Variants in ZNF799 observed in about 807,000 individuals in gnomAD.
ZNF799 encodes zinc finger protein 799.
ZNF799 carries 28 observed loss-of-function variants against 41.0 expected under a neutral mutation model. The observed-to-expected ratio is 0.68, with a 90% CI of 0.51 to 0.94. The LOEUF (loss-of-function observed/expected upper bound fraction) is 0.94. Among genes scored for constraint, ZNF799 ranks in the 40% least tolerant of loss-of-function variants. ZNF799 has a pLI of 0.00. For missense variants in ZNF799, 716 were observed against 764.3 expected (o/e 0.94, Z 0.74); for synonymous variants, 213 against 252.9 (o/e 0.84, Z 1.50).
At position 12,392,547 on chromosome 19, in the gene ZNF799, A is replaced by T. The variant is rs114079253; in HGVS notation, c.191+56T>A. ...TTTCTTTGCTTGTTTTTAAATTTTC[A>T]TATCATTCTCAGAACGGCTCCAGGG... On this transcript the variant is annotated intron_variant, in intron 3 of 3. Coordinates refer to ENST00000430385, the MANE Select transcript of ZNF799 (RefSeq NM_001080821.3). The T allele has an allele frequency of 2.0e-3, 2,867 of 1,452,546 alleles. 8 individuals carry two copies. The highest frequency in any genetic ancestry group is 5.9e-3 in the African/African-American group (412 of 70,290). The allele number at this position is 1,452,546 out of a possible 1,614,324, so 90.0% of individuals were successfully genotyped here.
rs752045923 is a variant in ZNF799, at chr19:12,390,483, G to A, written c.1915C>T (p.His639Tyr). ...AFASLSSLHR[H>Y]KKTH ...AGAGAATGCTAGTGAGTCTTTTTAT[G>A]TCTATGCAAGGAACTGAGAGAAGCA... The change falls in exon 4 of 4, where the codon CAT becomes TAT. Residue 639 changes from histidine (H) to tyrosine (Y), a missense_variant. Physicochemically the swap from His to Tyr is moderately conservative, Grantham distance 83. Coordinates refer to ENST00000430385, the MANE Select transcript of ZNF799 (RefSeq NM_001080821.3). The A allele has an allele frequency of 9.9e-6, 16 of 1,613,836 alleles. No individual in the cohort carries two copies. Among genetic ancestry groups the A allele is most frequent in the Non-Finnish European group, 1.4e-5 (16 of 1,179,836 alleles).
At chr19:12,396,606 G>C (rs954645169) in intron 1 of ZNF799, among the ~76,000 whole-genome samples, 2 of 152,176 alleles carry the variant, frequency 1.3e-5, no homozygotes, top group Non-Finnish European at 2.9e-5. Context: ...CTGAGATCAT[G>C]CCACTGCACT....
At chr19:12,401,280 C>T (rs1212510932), upstream of ZNF799, 2 of 1,358,044 alleles carry the variant, frequency 1.5e-6, no homozygotes, top group Non-Finnish European at 1.9e-6. Flanking sequence ...ACAGTTCCCA[C>T]GAACCCGCCC....
chr19:12,391,337 C>CT lies in ZNF799; in HGVS notation c.1060dup (p.Ser354LysfsTer3). On this transcript the variant is annotated frameshift_variant, in exon 4 of 4. Transcript: ENST00000430385. LOFTEE classifies it high-confidence loss of function. ...CTCTCCAGTGTGAGTTCTTTCATGACTTTTCAGTGAACTAGGACAATCAAA... is the reference window on the plus strand; with the variant it reads ...CTCTCCAGTGTGAGTTCTTTCATGACTTTTTCAGTGAACTAGGACAATCAAA... 1 of 1,614,096 alleles carries CT rather than the reference C, an allele frequency of 6.2e-7. No individual in the cohort carries two copies. Among genetic ancestry groups the CT allele is most frequent in the Middle Eastern group, 1.7e-4 (1 of 6,058 alleles).
the ZNF799 span, among the ~76,000 whole-genome samples, chr19:12,414,315 G>A: frequency 6.6e-6 from 1 of 152,152 alleles, no homozygotes; most frequent in Admixed American, 6.5e-5. Flanking sequence ...CTTGCCTAGT[G>A]GTTCCTAGTG....
intron 1 of ZNF799, among the ~76,000 whole-genome samples, chr19:12,399,639 C>A (rs1482582720): frequency 6.9e-6 from 1 of 144,152 alleles, no homozygotes; most frequent in African/African-American, 2.8e-5. Context: ...CAGCTGTGGA[C>A]ACCCTTTTTT....
At chr19:12,402,941 G>T (rs1326359727), upstream of ZNF799, among the ~76,000 whole-genome samples, 2 of 152,158 alleles carry the variant, frequency 1.3e-5, no homozygotes, top group Non-Finnish European at 2.9e-5. Context: ...AAGTAATATT[G>T]GCTTTGTAAA....
At chr19:12,406,168 CAA>C (rs940819306), upstream of ZNF799, among the ~76,000 whole-genome samples, 19 of 58,984 alleles carry the variant, frequency 3.2e-4, no homozygotes, top group Middle Eastern at 0.012. Context: ...GACTCTGTCT[CAA>C]AAAAAAAAAA....
intron 1 of ZNF799, chr19:12,398,293 C>G (rs1267212567): frequency 6.6e-6 from 1 of 150,572 alleles, no homozygotes; most frequent in Non-Finnish European, 1.5e-5. Flanking sequence ...TTGGTCTTAG[C>G]TGGAGGTGGG....
intron 2 of ZNF799, among the ~76,000 whole-genome samples, chr19:12,393,004 T>G: frequency 6.6e-6 from 1 of 151,824 alleles, no homozygotes; most frequent in African/African-American, 2.4e-5. Flanking sequence ...ACACTTTCTG[T>G]TTCTAGCTTA....
chr19:12,397,342 A>T (rs1969910055), intron 1 of ZNF799, among the ~76,000 whole-genome samples: 2 of 151,936 alleles, frequency 1.3e-5, no homozygotes, highest in Admixed American at 1.3e-4. Context: ...ACTGCTTAAG[A>T]TCAAGACTTT....
At chr19:12,396,360 T>G (rs1246619286) in intron 1 of ZNF799, among the ~76,000 whole-genome samples, 4 of 152,204 alleles carry the variant, frequency 2.6e-5, no homozygotes, top group Non-Finnish European at 5.9e-5. Context: ...TATTAAAAAG[T>G]AGAAATTAAC....
chr19:12,397,594 GAAAC>G (rs1409574158), intron 1 of ZNF799, among the ~76,000 whole-genome samples: 6 of 140,226 alleles, frequency 4.3e-5, no homozygotes, highest in Non-Finnish European at 9.3e-5. Flanking sequence ...AAGAAAGAAA[GAAAC>G]AAAGAAACAA....
chr19:12,399,321 A>G (rs1030309150), intron 1 of ZNF799, among the ~76,000 whole-genome samples: 1 of 152,100 alleles, frequency 6.6e-6, no homozygotes. Flanking sequence ...CAGTCCTTAG[A>G]TATAACTTTC....
the ZNF799 span, among the ~76,000 whole-genome samples, chr19:12,412,510 G>T: frequency 1.3e-5 from 2 of 150,296 alleles, no homozygotes; most frequent in Non-Finnish European, 1.5e-5. Flanking sequence ...CTTGGCTGCG[G>T]CTGTCTTGGT....
chr19:12,408,049 G>C, the ZNF799 span, among the ~76,000 whole-genome samples: 1 of 152,016 alleles, frequency 6.6e-6, no homozygotes, highest in Non-Finnish European at 1.5e-5. Flanking sequence ...ACAGCTACTC[G>C]GGAGGCTGAG....
chr19:12,399,670 G>C (rs1390140756), intron 1 of ZNF799, among the ~76,000 whole-genome samples: 1 of 145,518 alleles, frequency 6.9e-6, no homozygotes, highest in East Asian at 2.0e-4. Context: ...TTGAGACAGG[G>C]TCGGCCTCTG....
Position 12,390,971 on chromosome 19 carries a change from T to C in ZNF799, c.1427A>G (p.Tyr476Cys), listed in dbSNP as rs1207922265. 6.2e-7 allele frequency: 1 copy of C among 1,614,190 alleles called. No homozygotes were observed. The highest frequency in any genetic ancestry group is 1.7e-5 in the Admixed American group (1 of 60,034). The part of the protein sequence containing the change: ...HKTTHAGEKP[Y>C]ECKECGKAFS... ...TGCTTTCCCACATTCCTTACACTCA[T>C]ATGGCTTCTCTCCAGCATGAGTTGT... Residue 476 changes from tyrosine (Y) to cysteine (C), a missense_variant, in exon 4 of 4, where the codon TAT (tyrosine) becomes TGT (cysteine). By Grantham distance (194) the Tyr-to-Cys change is radical. This residue lies in a region of ZNF799 where 698 missense variants were observed against 713.6 expected (regional missense o/e 0.98). Coordinates refer to ENST00000430385, the MANE Select transcript of ZNF799 (RefSeq NM_001080821.3).
chr19:12,391,152 T>C lies in ZNF799; in HGVS notation c.1246A>G (p.Thr416Ala). The C allele has an allele frequency of 6.2e-7, 1 of 1,614,204 alleles. No homozygotes were observed. The highest frequency in any genetic ancestry group is 8.5e-7 in the Non-Finnish European group (1 of 1,180,012). The change falls in exon 4 of 4, where the codon ACT becomes GCT. Residue 416 changes from threonine to alanine, a missense_variant. Coordinates refer to ENST00000430385, the MANE Select transcript of ZNF799 (RefSeq NM_001080821.3). ...SVFQRHEKTH[T>A]AEKPYKCKQC... ...TTACATTTATAGGGTTTCTCTGCAG[T>C]GTGAGTCTTTTCATGCCTTTGAAAT...
Sources: gnomAD v4.1 joint callset for allele counts (sites outside exome capture counted in the v4.1 genomes callset) on GRCh38, gnomAD v4.1.1 for gene constraint, gnomAD v4.1.1 regional missense constraint, MANE v1.5 for transcripts, NCBI Gene and HGNC (gene_info 2026-07-23, HGNC 2026-07-21) for gene names.